The following SF3A2 variants were observed in gnomAD, a reference collection of about 807,000 sequenced individuals.
The protein encoded by SF3A2 is SAP 62.
A neutral mutation model predicts 31.1 loss-of-function variants in SF3A2; 5 were observed. The ratio of observed to expected loss-of-function variants is 0.16; its 90% CI spans 0.08 to 0.34. SF3A2 has a LOEUF of 0.34. Ranked by LOEUF, SF3A2 falls within the 10% of genes least tolerant of loss-of-function variation. The pLI is 1.00. For synonymous variants in SF3A2, 365 were observed against 263.7 expected (o/e 1.38, Z -3.72); for missense variants, 577 against 643.9 (o/e 0.90, Z 1.13).
chr19:2,241,500 A>G (rs971539014), intron 1 of SF3A2, among the ~76,000 whole-genome samples: 6 of 152,226 alleles, frequency 3.9e-5, no homozygotes, highest in African/African-American at 7.2e-5. Flanking sequence ...GAGGCACTTC[A>G]TGAACCTGTC....
chr19:2,247,976 G>A lies in SF3A2; in HGVS notation c.825G>A (p.Pro275=), dbSNP rs564302619. 8.7e-5 allele frequency: 90 copies of A among 1,035,386 alleles called. No homozygotes were observed. Among genetic ancestry groups the A allele is most frequent in the African/African-American group, 6.3e-4 (35 of 55,828 alleles). 64.1% of individuals were successfully genotyped at this position (1,035,386 alleles called of 1,614,324 possible). ...CAGGGCCTGCGCCCTCAGGGCCCCC[G>A]GGACCACCCCAGCTACCCCCGCCAG... ...PPTGPAPSGP[P]GPPQLPPPAP... Residue 275 remains proline (P), a synonymous_variant, in exon 9 of 9, where the codon CCG becomes CCA. Transcript: ENST00000221494.
rs765287128 is a variant in SF3A2 at position 2,247,858 on chromosome 19, C to G, written c.707C>G (p.Pro236Arg). ...CCTGGGGTGAAGCGGCCTCCACCCC[C>G]GCTGATGAACGGTCTGCCCCCTCGG... ...GPPGVKRPPP[P>R]LMNGLPPRPP... The change falls in exon 9 of 9, where the codon CCG becomes CGG. Residue 236 changes from proline to arginine, a missense_variant. Pro to Arg is a moderately radical substitution (Grantham distance 103). This residue lies in a region of SF3A2 where 462 missense variants were observed against 339.1 expected (regional missense o/e 1.36). Coordinates refer to ENST00000221494, the MANE Select transcript of SF3A2 (RefSeq NM_007165.5). The G allele has an allele frequency of 6.6e-7, 1 of 1,519,852 alleles. No homozygotes were observed. Among genetic ancestry groups the G allele is most frequent in the Non-Finnish European group, 9.1e-7 (1 of 1,102,736 alleles). 94.1% of individuals were successfully genotyped at this position (1,519,852 alleles called of 1,614,324 possible). A position where few individuals can be genotyped will look rare whatever the true frequency, so the allele number is the denominator to read the frequency against.
chr19:2,237,775 A>G (rs1170561429), intron 1 of SF3A2: 1 of 152,112 alleles, frequency 6.6e-6, no homozygotes, highest in South Asian at 2.1e-4. Flanking sequence ...CTTCAACATC[A>G]TGCCAAAGGC....
chr19:2,237,729 C>T (rs764408308), intron 1 of SF3A2: 4 of 152,162 alleles, frequency 2.6e-5, no homozygotes, highest in African/African-American at 7.2e-5. Context: ...GATGTAATTC[C>T]TGTGAGCCTC....
intron 1 of SF3A2, among the ~76,000 whole-genome samples, chr19:2,241,931 G>A (rs1028599403): frequency 4.6e-5 from 7 of 152,174 alleles, no homozygotes; most frequent in Non-Finnish European, 8.8e-5. Context: ...GAGCTGGGAG[G>A]TCCACCTCAC....
At chr19:2,247,523 C>T (rs1453192464) in intron 7 of SF3A2, 71 bp from the exon 8 acceptor site, 17 of 1,529,092 alleles carry the variant, frequency 1.1e-5, no homozygotes, top group Admixed American at 1.7e-5. Context: ...GCTAGTGCCT[C>T]GGGCTCCCTG....
At chr19:2,241,872 G>T (rs949672622) in intron 1 of SF3A2, among the ~76,000 whole-genome samples, 2 of 152,208 alleles carry the variant, frequency 1.3e-5, no homozygotes, top group Admixed American at 6.5e-5. Flanking sequence ...TCTCTAGGTG[G>T]GCTTTTGTGA....
intron 2 of SF3A2, among the ~76,000 whole-genome samples, chr19:2,244,088 G>A (rs1195313676): frequency 1.3e-5 from 2 of 152,262 alleles, no homozygotes; most frequent in Non-Finnish European, 1.5e-5. Context: ...GTGTGCGCCC[G>A]GCTGCCCCAG....
chr19:2,243,065 G>A (rs1412184801), intron 1 of SF3A2, among the ~76,000 whole-genome samples: 1 of 152,118 alleles, frequency 6.6e-6, no homozygotes, highest in Non-Finnish European at 1.5e-5. Context: ...TGCCTTCTCT[G>A]GGCTCCCTAT....
intron 1 of SF3A2, chr19:2,237,473 C>G (rs1481758362): frequency 6.7e-6 from 1 of 150,040 alleles, no homozygotes; most frequent in Non-Finnish European, 1.5e-5. Context: ...GTCCCAGCTA[C>G]TCTGGAGGCT....
chr19:2,243,237 C>A, intron 1 of SF3A2, 145 bp from the exon 2 acceptor site: 1 of 560,664 alleles, frequency 1.8e-6, no homozygotes, highest in Non-Finnish European at 3.0e-6. Flanking sequence ...TATGGGGTGG[C>A]CCCCTCAGGG....
Position 2,245,688 on chromosome 19 carries a change from C to G in SF3A2, c.355+133C>G, listed in dbSNP as rs1056230915. On this transcript the variant is annotated intron_variant, in intron 5 of 8. Transcript: ENST00000221494. The surrounding 1 kb of genome is among the most constrained non-coding windows in gnomAD (Gnocchi z 4.2). ...CTGTTTTCCGGCCTTGGTGGCCGTC[C>G]CTCACCCACCTGCAGCCTCTGGCGT... 3 of 685,966 alleles carry G rather than the reference C, an allele frequency of 4.4e-6. No homozygotes were observed. The highest frequency in any genetic ancestry group is 1.8e-5 in the African/African-American group (1 of 56,694). The allele number at this position is 685,966 out of a possible 1,614,324, so 42.5% of individuals were successfully genotyped here.
At position 2,248,365 on chromosome 19, in the gene SF3A2, CG is replaced by C; in HGVS notation, c.1219del (p.Val407SerfsTer39). On this transcript the variant is annotated frameshift_variant, in exon 9 of 9. Transcript: ENST00000221494. LOFTEE classifies it high-confidence loss of function. The part of the protein sequence containing the change: ...PPAPGMHPQA[P>X]GVHPQPPGVH... ...GCCCCAGGGATGCACCCTCAGGCCC[CG>C]GGGGTCCACCCCCAACCTCCCGGGG... is the stretch of plus-strand genomic sequence containing the variant. The C allele has an allele frequency of 7.2e-7, 1 of 1,382,540 alleles. No homozygotes were observed. The highest frequency in any genetic ancestry group is 1.7e-5 in the South Asian group (1 of 58,006). 85.6% of individuals were successfully genotyped at this position (1,382,540 alleles called of 1,614,324 possible).
chr19:2,248,128 C>T lies in SF3A2; in HGVS notation c.977C>T (p.Thr326Ile). The stretch of plus-strand genomic sequence containing the variant: ...CCAGCCCCTGGGGTCCACCCACCAA[C>T]CTCTGGGGTCCACCCCCCAGCTCCT... ...HPPAPGVHPP[T>I]SGVHPPAPGV... The change falls in exon 9 of 9, where the codon ACC becomes ATC. Residue 326 changes from threonine to isoleucine, a missense_variant. By Grantham distance (89) the Thr-to-Ile change is moderately conservative. Transcript: ENST00000221494. The T allele has an allele frequency of 7.3e-7, 1 of 1,375,382 alleles. No homozygotes were observed. The highest frequency in any genetic ancestry group is 1.0e-6 in the Non-Finnish European group (1 of 995,058). The allele number at this position is 1,375,382 out of a possible 1,614,324, so 85.2% of individuals were successfully genotyped here. A position where few individuals can be genotyped will look rare whatever the true frequency, so the allele number is the denominator to read the frequency against.
chr19:2,246,694 A>G lies in SF3A2; in HGVS notation c.356-59A>G. On this transcript the variant is annotated intron_variant, in intron 5 of 8. Coordinates refer to ENST00000221494, the MANE Select transcript of SF3A2 (RefSeq NM_007165.5). The surrounding 1 kb of genome is among the most constrained non-coding windows in gnomAD (Gnocchi z 5.5). ...TCAGTGGGTGGCATTAGCCTGCCCC[A>G]GGTTCCTCAGCTTCGGAGAGGACAA... 1 of 1,605,848 alleles carries G rather than the reference A, an allele frequency of 6.2e-7. No individual in the cohort carries two copies. The highest frequency in any genetic ancestry group is 8.5e-7 in the Non-Finnish European group (1 of 1,174,114).
chr19:2,246,283 A>T lies in SF3A2; in HGVS notation c.356-470A>T, dbSNP rs1381620944. 6.7e-6 allele frequency among the ~76,000 whole-genome samples: 1 copy of T among 149,564 alleles called. No individual in the cohort carries two copies. The highest frequency in any genetic ancestry group is 6.6e-5 in the Admixed American group (1 of 15,104). On this transcript the variant is annotated intron_variant, in intron 5 of 8. Transcript: ENST00000221494. The surrounding 1 kb of genome is among the most constrained non-coding windows in gnomAD (Gnocchi z 5.5). ...TGTGCGTGTCTGAGGCCGCATGGAG[A>T]GTGGCCGGGCGGCAGGCAGCCCAGC...
chr19:2,246,407 C>A lies in SF3A2; in HGVS notation c.356-346C>A, dbSNP rs1440917909. On this transcript the variant is annotated intron_variant, in intron 5 of 8. Transcript: ENST00000221494. The surrounding 1 kb of genome is among the most constrained non-coding windows in gnomAD (Gnocchi z 5.5). ...TCAGCCCTGTTCAGGCGGCCCCGCT[C>A]GAATCCCAGAGCCAGGGTGCCGAGG... Among the ~76,000 whole-genome samples the A allele has an allele frequency of 6.6e-6, 1 of 152,104 alleles. No homozygotes were observed. Among genetic ancestry groups the A allele is most frequent in the Non-Finnish European group, 1.5e-5 (1 of 67,990 alleles).
chr19:2,248,132 TG>T lies in SF3A2; in HGVS notation c.985del (p.Val329SerfsTer117). On this transcript the variant is annotated frameshift_variant, in exon 9 of 9. Transcript: ENST00000221494. LOFTEE classifies it low-confidence loss of function (END_TRUNC). ...CCCCTGGGGTCCACCCACCAACCTC[TG>T]GGGTCCACCCCCCAGCTCCTGGAGT... is the stretch of plus-strand genomic sequence containing the variant. ...PAPGVHPPTSGVHPPAPGVHP... is the reference protein window; with the variant it reads ...PAPGVHPPTSXVHPPAPGVHP... The T allele has an allele frequency of 3.0e-6, 4 of 1,340,966 alleles. No individual in the cohort carries two copies. Among genetic ancestry groups the T allele is most frequent in the Non-Finnish European group, 4.1e-6 (4 of 978,614 alleles). The allele number at this position is 1,340,966 out of a possible 1,614,324, so 83.1% of individuals were successfully genotyped here.
In SF3A2 at chr19:2,246,183, C is replaced by T. The variant is rs899675180; in HGVS notation, c.356-570C>T. Among the ~76,000 whole-genome samples the T allele has an allele frequency of 1.3e-4, 20 of 152,142 alleles. No homozygotes were observed. The highest frequency in any genetic ancestry group is 4.1e-4 in the African/African-American group (17 of 41,434). ...GGGTGGGCGAGGGTGGCTAGAGCGG[C>T]AGGCTCCTGGTGGGGAGGCCCTGAC... is the stretch of plus-strand genomic sequence containing the variant. On this transcript the variant is annotated intron_variant, in intron 5 of 8. Coordinates refer to ENST00000221494, the MANE Select transcript of SF3A2 (RefSeq NM_007165.5). This position sits in a 1 kb window ranked among gnomAD's most constrained non-coding sequence, Gnocchi z 5.5.
Sources: gnomAD v4.1 joint callset for allele counts (sites outside exome capture counted in the v4.1 genomes callset) on GRCh38, gnomAD v4.1.1 for gene constraint, gnomAD v4.1.1 regional missense constraint, Gnocchi (gnomAD v3.1) non-coding constraint, MANE v1.5 for transcripts, NCBI Gene and HGNC (gene_info 2026-07-23, HGNC 2026-07-21) for gene names.